PRKD1: variants seen among roughly 807,000 people sequenced by gnomAD.
PRKD1 encodes the protein serine/threonine-protein kinase D1.
In PRKD1, 63 loss-of-function variants were observed where a neutral mutation model predicts 95.9. That is an observed-to-expected ratio of 0.66 (90% confidence interval 0.54 to 0.81). The LOEUF (loss-of-function observed/expected upper bound fraction) is 0.81, where lower values mean the gene tolerates loss of function less well. PRKD1 is among the 30% of genes least tolerant of loss of function. The pLI is 0.00. For missense variants in PRKD1, 1,048 were observed against 1,165.3 expected (o/e 0.90, Z 1.47); for synonymous variants, 425 against 423.1 (o/e 1.00, Z -0.05).
At position 29,702,425 on chromosome 14, in the gene PRKD1, T is replaced by G. The variant is rs1197689625; in HGVS notation, c.403+23111A>C. On this transcript the variant is annotated intron_variant, in intron 2 of 17. Coordinates refer to ENST00000331968, the MANE Select transcript of PRKD1 (RefSeq NM_002742.3). ...TTCAGACTTTTATGAAAATAATTCTTTCTCACTTCCCTGTTATATGAGGTA... is the reference window on the plus strand; with the variant it reads ...TTCAGACTTTTATGAAAATAATTCTGTCTCACTTCCCTGTTATATGAGGTA... Among the ~76,000 whole-genome samples, 12 of 152,220 alleles carry G rather than the reference T, an allele frequency of 7.9e-5. 1 individual carries two copies. The highest frequency in any genetic ancestry group is 4.4e-5 in the Non-Finnish European group (3 of 67,970).
chr14:29,621,630 T>G, intron 13 of PRKD1, among the ~76,000 whole-genome samples: 1 of 152,312 alleles, frequency 6.6e-6, no homozygotes, highest in South Asian at 2.1e-4. Context: ...GAAAATTCGG[T>G]ACATAAATAT....
At chr14:29,646,666 T>A (rs571559908) in intron 4 of PRKD1, among the ~76,000 whole-genome samples, 1 of 151,650 alleles carries the variant, frequency 6.6e-6, no homozygotes, top group African/African-American at 2.4e-5. Context: ...TTAGGGATGA[T>A]GACCTAACCT....
chr14:29,669,396 G>A (rs886923008), intron 2 of PRKD1, among the ~76,000 whole-genome samples: 4 of 152,162 alleles, frequency 2.6e-5, no homozygotes, highest in East Asian at 1.9e-4. Context: ...TGATTAGTTC[G>A]TCCCAAAGCA....
At chr14:29,803,362 T>C (rs763262219) in intron 1 of PRKD1, among the ~76,000 whole-genome samples, 2 of 152,224 alleles carry the variant, frequency 1.3e-5, no homozygotes, top group Non-Finnish European at 2.9e-5. Context: ...TTGGGGAATT[T>C]TAATTGACCA....
At chr14:29,795,753 C>A (rs897641388) in intron 1 of PRKD1, among the ~76,000 whole-genome samples, 2 of 152,028 alleles carry the variant, frequency 1.3e-5, no homozygotes, top group African/African-American at 4.8e-5. Context: ...TTCTGGAATG[C>A]TCATCATTAC....
Position 29,632,952 on chromosome 14 carries a change from A to G in PRKD1, c.1315-6T>C. Reference sequence around the variant, plus strand: ...CTCCAATAGTGCCGTTTCCGCTGAAACAGAAGTTAGATCCAAGATCTTTTT... The same window carrying G: ...CTCCAATAGTGCCGTTTCCGCTGAAGCAGAAGTTAGATCCAAGATCTTTTT... On this transcript the variant is annotated splice_region_variant and splice_polypyrimidine_tract_variant and intron_variant, in intron 8 of 17. Coordinates refer to ENST00000331968, the MANE Select transcript of PRKD1 (RefSeq NM_002742.3). 2 of 1,609,994 alleles carry G rather than the reference A, an allele frequency of 1.2e-6. No homozygotes were observed. Among genetic ancestry groups the G allele is most frequent in the Non-Finnish European group, 1.7e-6 (2 of 1,176,396 alleles).
intron 3 of PRKD1, among the ~76,000 whole-genome samples, chr14:29,665,766 C>A (rs1882455984): frequency 6.6e-6 from 1 of 151,550 alleles, no homozygotes; most frequent in African/African-American, 2.4e-5. Flanking sequence ...TATGTGTATA[C>A]ATACATAGAT....
intron 1 of PRKD1, among the ~76,000 whole-genome samples, chr14:29,801,762 C>T (rs1890039814): frequency 6.6e-6 from 1 of 152,162 alleles, no homozygotes; most frequent in Admixed American, 6.5e-5. Flanking sequence ...AATCTCGGCT[C>T]ATCGCAACCT....
rs895557647 is a variant in PRKD1, at chr14:29,648,885, A to C, written c.697-9981T>G. On this transcript the variant is annotated intron_variant, in intron 4 of 17. Coordinates refer to ENST00000331968, the MANE Select transcript of PRKD1 (RefSeq NM_002742.3). ...TAGCCAGGATGGTCTCGATTTCCTG[A>C]CCTCGTGATCCGCCCGCCTTGGCCT... Among the ~76,000 whole-genome samples the C allele has an allele frequency of 2.0e-5, 3 of 151,704 alleles. No homozygotes were observed. The East Asian group carries it at 5.9e-4, about 30-fold the overall frequency.
intron 13 of PRKD1, among the ~76,000 whole-genome samples, chr14:29,604,440 A>T (rs904801326): frequency 1.3e-5 from 2 of 152,174 alleles, no homozygotes; most frequent in Non-Finnish European, 2.9e-5. Context: ...AAACTGATTT[A>T]GTTCATAATG....
chr14:29,906,406 G>A lies in PRKD1; in HGVS notation c.264+20843C>T, dbSNP rs761776984. Among the ~76,000 whole-genome samples, 3 of 152,034 alleles carry A rather than the reference G, an allele frequency of 2.0e-5. No individual in the cohort carries two copies. The South Asian group carries it at 6.2e-4, about 32-fold the overall frequency. On this transcript the variant is annotated intron_variant, in intron 1 of 17. Transcript: ENST00000331968. ...ATTTAAAAATTAACTGGGCATGGTG[G>A]TATGCTCCAGTGGTTCCAGCTACTG... is the stretch of plus-strand genomic sequence containing the variant.
chr14:29,619,282 A>G (rs942688970), intron 13 of PRKD1, among the ~76,000 whole-genome samples: 14 of 152,118 alleles, frequency 9.2e-5, no homozygotes, highest in African/African-American at 3.4e-4. Flanking sequence ...AATAATAAAT[A>G]TAAAATGACA....
intron 1 of PRKD1, among the ~76,000 whole-genome samples, chr14:29,736,005 C>T (rs963533508): frequency 6.6e-6 from 1 of 152,122 alleles, no homozygotes; most frequent in Non-Finnish European, 1.5e-5. Context: ...TATAAGTGAT[C>T]ATAAAGGTAA....
intron 4 of PRKD1, among the ~76,000 whole-genome samples, chr14:29,644,946 T>C (rs1881032339): frequency 6.6e-6 from 1 of 152,272 alleles, no homozygotes; most frequent in African/African-American, 2.4e-5. Context: ...ATGGATTTCA[T>C]TTATTTATAC....
intron 1 of PRKD1, among the ~76,000 whole-genome samples, chr14:29,907,931 A>T (rs45528439): frequency 4.5e-4 from 69 of 152,330 alleles, no homozygotes; most frequent in African/African-American, 1.6e-3. Flanking sequence ...ACATATTTTT[A>T]AAAATCAAGC....
chr14:29,871,334 A>G (rs1893098879), intron 1 of PRKD1, among the ~76,000 whole-genome samples: 1 of 152,226 alleles, frequency 6.6e-6, no homozygotes, highest in African/African-American at 2.4e-5. Flanking sequence ...TTTAGGATAA[A>G]AACTATACAA....
intron 6 of PRKD1, among the ~76,000 whole-genome samples, 192 bp from the exon 7 acceptor site, chr14:29,636,686 T>A (rs1167864442): frequency 6.6e-6 from 1 of 152,174 alleles, no homozygotes; most frequent in African/African-American, 2.4e-5. Flanking sequence ...ATAGGTAAAC[T>A]TGTGTCATGG....
At chr14:29,622,393 C>CTTCT (rs1879331199) in intron 13 of PRKD1, among the ~76,000 whole-genome samples, 3 of 143,438 alleles carry the variant, frequency 2.1e-5, no homozygotes, top group East Asian at 2.2e-4. Flanking sequence ...TCCTTCTTTC[C>CTTCT]TTCCTTCTGT....
chr14:29,918,081 T>G (rs1894955257), intron 1 of PRKD1, among the ~76,000 whole-genome samples: 1 of 151,322 alleles, frequency 6.6e-6, no homozygotes. Flanking sequence ...GCAGGAAATA[T>G]ATTGCCTGAT....
Sources: allele counts gnomAD v4.1 joint callset (sites outside exome capture counted in the v4.1 genomes callset), GRCh38; gene constraint gnomAD v4.1.1; transcripts MANE v1.5; gene names NCBI Gene and HGNC (gene_info 2026-07-23, HGNC 2026-07-21).